Variants in WDPCP observed in about 807,000 individuals in gnomAD.
WDPCP encodes the protein WD repeat-containing and planar cell polarity effector protein fritz homolog.
WDPCP carries 71 observed loss-of-function variants against 93.1 expected under a neutral mutation model. The observed-to-expected ratio is 0.76, with a 90% CI of 0.63 to 0.93. The LOEUF (loss-of-function observed/expected upper bound fraction) is 0.93, where lower values mean the gene tolerates loss of function less well. Ranked by LOEUF, WDPCP falls within the 40% of genes least tolerant of loss-of-function variation. The probability of loss-of-function intolerance (pLI) is 0.00; values close to 1 mark genes in which losing one functional copy is unlikely to be tolerated. For synonymous variants in WDPCP, 315 were observed against 315.0 expected, an observed-to-expected ratio of 1.00 and a Z score of 0.00; for missense variants, 844 against 887.4, an observed-to-expected ratio of 0.95 and a Z score of 0.62.
chr2:63,339,225 G>A (rs1193402716), intron 12 of WDPCP, among the ~76,000 whole-genome samples: 1 of 151,880 alleles, frequency 6.6e-6, no homozygotes. Flanking sequence ...CCAGGCTAGA[G>A]GGCAGTGGTG....
intron 10 of WDPCP, among the ~76,000 whole-genome samples, chr2:63,383,244 C>T (rs543325836): frequency 6.6e-6 from 1 of 152,106 alleles, no homozygotes; most frequent in East Asian, 1.9e-4. Context: ...AAAACAATAA[C>T]AAGACATTTT....
At chr2:63,529,427 G>A (rs957868283) in intron 1 of WDPCP, among the ~76,000 whole-genome samples, 5 of 152,096 alleles carry the variant, frequency 3.3e-5, no homozygotes, top group African/African-American at 4.8e-5. Flanking sequence ...AGCATGAAGC[G>A]CTGTTGAATT....
chr2:63,556,249 G>A lies in WDPCP; in HGVS notation c.75+31948C>T, dbSNP rs1161249836. ...AGACCAAGTGAAGGAAAGAATTTCA[G>A]AGCTTGAAGACTATCTTGCTGAAAT... On this transcript the variant is annotated intron_variant, in intron 1 of 17. Coordinates refer to ENST00000272321, the MANE Select transcript of WDPCP (RefSeq NM_015910.7). Among the ~76,000 whole-genome samples the A allele has an allele frequency of 2.6e-5, 4 of 152,304 alleles. No individual in the cohort carries two copies. The East Asian group carries it at 7.7e-4, about 29-fold the overall frequency.
chr2:63,581,032 T>C (rs904346429), intron 1 of WDPCP, among the ~76,000 whole-genome samples: 1 of 152,132 alleles, frequency 6.6e-6, no homozygotes, highest in Non-Finnish European at 1.5e-5. Flanking sequence ...TTCTTACAAT[T>C]CTTCAGTAAA....
intron 2 of WDPCP, among the ~76,000 whole-genome samples, chr2:63,661,752 T>C (rs1710229108): frequency 6.6e-6 from 1 of 152,174 alleles, no homozygotes; most frequent in Non-Finnish European, 1.5e-5. Context: ...AGATGCTAAA[T>C]ACAATACAGG....
At chr2:63,214,377 G>T (rs528160194) in intron 14 of WDPCP, among the ~76,000 whole-genome samples, 1 of 152,230 alleles carries the variant, frequency 6.6e-6, no homozygotes, top group African/African-American at 2.4e-5. Flanking sequence ...AAAACCACAT[G>T]ATTATCTCAA....
chr2:63,325,527 T>A (rs1687466095), intron 12 of WDPCP, among the ~76,000 whole-genome samples: 1 of 152,208 alleles, frequency 6.6e-6, no homozygotes, highest in Non-Finnish European at 1.5e-5. Context: ...GACACTGGTG[T>A]GGCCTTCTCA....
At chr2:63,369,158 A>G (rs1691178648) in intron 12 of WDPCP, 1 of 250,040 alleles carries the variant, frequency 4.0e-6, no homozygotes, top group African/African-American at 2.2e-5. Context: ...GCTTTAATAC[A>G]ACTGTAGCTT....
At chr2:63,771,127 G>T (rs2103945758) in intron 2 of WDPCP, among the ~76,000 whole-genome samples, 1 of 151,616 alleles carries the variant, frequency 6.6e-6, no homozygotes, top group East Asian at 1.9e-4. Context: ...GAGAATCGCT[G>T]AGCTAATAAA....
chr2:63,313,261 C>G lies in WDPCP; in HGVS notation c.1799G>C (p.Arg600Pro), dbSNP rs375036014. 6.2e-7 allele frequency: 1 copy of G among 1,613,538 alleles called. No individual in the cohort carries two copies. Among genetic ancestry groups the G allele is most frequent in the African/African-American group, 1.3e-5 (1 of 75,018 alleles). ...AAAATGACTCACCATAAAGAGGTCA[C>G]GAGCACCAACGTCAACAGCTAGGAG... is the stretch of plus-strand genomic sequence containing the variant. ...AFLLAVDVGARDLFMDIHYLA... is the reference protein window; with the variant it reads ...AFLLAVDVGAPDLFMDIHYLA... Residue 600 changes from arginine (R) to proline (P), a missense_variant, in exon 13 of 18, where the codon CGT becomes CCT. Arg to Pro is a moderately radical substitution (Grantham distance 103, BLOSUM62 -2). Transcript: ENST00000272321.
intron 2 of WDPCP, among the ~76,000 whole-genome samples, chr2:63,801,805 C>T (rs929321271): frequency 6.6e-6 from 1 of 152,184 alleles, no homozygotes; most frequent in Non-Finnish European, 1.5e-5. Context: ...GGCCTCACCT[C>T]TCAATGACAT....
rs1156492284 is a variant in WDPCP, at chr2:63,121,832, G to A, written c.*174C>T. ...CGATCACTTTGCTGTTATGCTGCAT[G>A]TTTTTGAAATAATAAAACTTTATTT... On this transcript the variant is annotated 3_prime_UTR_variant, in exon 18 of 18. Transcript: ENST00000272321. 5 of 1,392,432 alleles carry A rather than the reference G, an allele frequency of 3.6e-6. No homozygotes were observed. The African/African-American group carries it at 4.4e-5, about 12-fold the overall frequency. 86.3% of individuals were successfully genotyped at this position (1,392,432 alleles called of 1,614,324 possible).
intron 2 of WDPCP, among the ~76,000 whole-genome samples, chr2:63,811,893 G>A (rs954212114): frequency 3.3e-5 from 5 of 152,040 alleles, no homozygotes; most frequent in Middle Eastern, 3.4e-3. Context: ...AGACAGGGTC[G>A]CACTCTATCA....
chr2:63,405,273 T>C (rs557777166), intron 9 of WDPCP, among the ~76,000 whole-genome samples: 3 of 152,260 alleles, frequency 2.0e-5, no homozygotes, highest in South Asian at 2.1e-4. Context: ...GAATTCTAAG[T>C]AGACAAGTGA....
chr2:63,268,710 G>T (rs1682369424), intron 13 of WDPCP, among the ~76,000 whole-genome samples: 1 of 115,818 alleles, frequency 8.6e-6, no homozygotes, highest in South Asian at 3.3e-4. Context: ...CAAACTCCTG[G>T]GCTCAAGTGA....
At chr2:63,588,789 C>A (rs1398030436), upstream of WDPCP, 1 of 569,316 alleles carries the variant, frequency 1.8e-6, no homozygotes, top group South Asian at 2.1e-5. Context: ...GCAATCGGCG[C>A]AGAGCGCAGT....
intron 14 of WDPCP, among the ~76,000 whole-genome samples, chr2:63,224,827 T>C (rs1194828008): frequency 6.6e-6 from 1 of 152,002 alleles, no homozygotes; most frequent in Non-Finnish European, 1.5e-5. Context: ...ATTGTACATA[T>C]ATTTGTCTAA....
chr2:63,675,877 A>G (rs1281670484), intron 2 of WDPCP, among the ~76,000 whole-genome samples: 1 of 152,228 alleles, frequency 6.6e-6, no homozygotes, highest in African/African-American at 2.4e-5. Context: ...ATAACAAAGC[A>G]TTGCCCAATA....
chr2:63,251,485 C>T (rs1280358581), intron 14 of WDPCP, among the ~76,000 whole-genome samples: 1 of 146,068 alleles, frequency 6.8e-6, no homozygotes. Flanking sequence ...AAAAAGCCTA[C>T]CTTTTTTTTT....
Sources: allele counts gnomAD v4.1 joint callset (sites outside exome capture counted in the v4.1 genomes callset), GRCh38; gene constraint gnomAD v4.1.1; transcripts MANE v1.5; gene names NCBI Gene and HGNC (gene_info 2026-07-23, HGNC 2026-07-21).